PTPRD: variants seen among roughly 807,000 people sequenced by gnomAD.
PTPRD encodes the protein receptor-type tyrosine-protein phosphatase delta.
A neutral mutation model predicts 214.5 loss-of-function variants in PTPRD; 34 were observed. The ratio of observed to expected loss-of-function variants is 0.16; its 90% CI spans 0.12 to 0.21. The LOEUF is 0.21. Ranked by LOEUF, PTPRD falls within the 10% of genes least tolerant of loss-of-function variation. The pLI is 1.00. For synonymous variants in PTPRD, 1,128 were observed against 845.7 expected (o/e 1.33, Z -5.79); for missense variants, 2,545 against 2,398.7 (o/e 1.06, Z -1.27).
At chr9:8,607,253 A>G (rs1471547365) in intron 14 of PTPRD, among the ~76,000 whole-genome samples, 1 of 152,222 alleles carries the variant, frequency 6.6e-6, no homozygotes, top group Non-Finnish European at 1.5e-5. Context: ...TCCACAGTGT[A>G]TATATACTTA....
intron 42 of PTPRD, 80 bp downstream of exon 42, chr9:8,340,263 C>T: frequency 2.1e-6 from 3 of 1,449,108 alleles, no homozygotes; most frequent in South Asian, 1.6e-5. Flanking sequence ...TGATCTAGCA[C>T]AAGAGTTATT....
intron 37 of PTPRD, among the ~76,000 whole-genome samples, chr9:8,379,992 C>T (rs868414736): frequency 9.2e-5 from 14 of 152,070 alleles, no homozygotes; most frequent in African/African-American, 3.1e-4. Flanking sequence ...AGTGATGCCC[C>T]TAAAACACTT....
At chr9:8,328,349 C>G (rs1187176167) in intron 44 of PTPRD, among the ~76,000 whole-genome samples, 1 of 152,100 alleles carries the variant, frequency 6.6e-6, no homozygotes, top group Non-Finnish European at 1.5e-5. Context: ...ATTGGCCCCA[C>G]TGTCTTCTGG....
intron 4 of PTPRD, among the ~76,000 whole-genome samples, chr9:9,976,849 A>G (rs1206763213): frequency 6.6e-6 from 1 of 151,974 alleles, no homozygotes; most frequent in Non-Finnish European, 1.5e-5. Flanking sequence ...GATAAATAAT[A>G]ACAAGTTAAA....
At chr9:8,455,423 G>C (rs1286837203) in intron 33 of PTPRD, among the ~76,000 whole-genome samples, 4 of 152,102 alleles carry the variant, frequency 2.6e-5, no homozygotes, top group Admixed American at 2.6e-4. Context: ...TATTATTTCT[G>C]CAGAGTATAA....
intron 9 of PTPRD, among the ~76,000 whole-genome samples, chr9:9,187,486 A>G (rs1274846841): frequency 6.6e-6 from 1 of 152,098 alleles, no homozygotes; most frequent in Admixed American, 6.6e-5. Context: ...TGTACAATAC[A>G]AAGCCAAGAC....
At chr9:8,726,037 AC>A (rs2154426849) in intron 12 of PTPRD, among the ~76,000 whole-genome samples, 1 of 147,328 alleles carries the variant, frequency 6.8e-6, no homozygotes, top group Non-Finnish European at 1.5e-5. Context: ...ACACACACAC[AC>A]ACACACACAC....
chr9:9,138,683 A>G (rs2099854952), intron 10 of PTPRD, among the ~76,000 whole-genome samples: 1 of 152,192 alleles, frequency 6.6e-6, no homozygotes, highest in South Asian at 2.1e-4. Flanking sequence ...TACAAATTGA[A>G]CGTTATGAGC....
intron 11 of PTPRD, among the ~76,000 whole-genome samples, chr9:9,012,142 T>C (rs1005106617): frequency 1.5e-4 from 23 of 152,008 alleles, no homozygotes; most frequent in Non-Finnish European, 3.4e-4. Flanking sequence ...GAGTAGCCTC[T>C]AGCCAACAGC....
chr9:8,579,752 T>C (rs1439227258), intron 14 of PTPRD, among the ~76,000 whole-genome samples: 2 of 152,176 alleles, frequency 1.3e-5, no homozygotes, highest in African/African-American at 4.8e-5. Context: ...TCAGGTGTTG[T>C]AAACAGAGAC....
chr9:10,406,992 G>C (rs535991368), intron 2 of PTPRD, among the ~76,000 whole-genome samples: 55 of 151,542 alleles, frequency 3.6e-4, no homozygotes, highest in Admixed American at 3.2e-3. Flanking sequence ...AATTATTTTT[G>C]TATTAATGTC....
At chr9:9,599,266 G>A (rs1468458747) in intron 7 of PTPRD, among the ~76,000 whole-genome samples, 4 of 152,118 alleles carry the variant, frequency 2.6e-5, no homozygotes, top group East Asian at 3.9e-4. Flanking sequence ...TAACTCTTCC[G>A]ATGCTCGTTA....
At chr9:8,711,573 G>T (rs1415622773) in intron 12 of PTPRD, among the ~76,000 whole-genome samples, 1 of 151,880 alleles carries the variant, frequency 6.6e-6, no homozygotes, top group Non-Finnish European at 1.5e-5. Context: ...AAAATACAAA[G>T]ATCACGTCTC....
intron 6 of PTPRD, among the ~76,000 whole-genome samples, chr9:9,761,104 C>T: frequency 6.6e-6 from 1 of 152,146 alleles, no homozygotes; most frequent in East Asian, 1.9e-4. Context: ...TATACAAATG[C>T]TTATACATTA....
chr9:10,321,290 G>C (rs2096548029), intron 3 of PTPRD, among the ~76,000 whole-genome samples: 1 of 152,054 alleles, frequency 6.6e-6, no homozygotes, highest in African/African-American at 2.4e-5. Context: ...TGCAGTCAGA[G>C]AAAACATCTC....
chr9:9,927,200 G>T (rs970674841), intron 5 of PTPRD, among the ~76,000 whole-genome samples: 2 of 151,916 alleles, frequency 1.3e-5, no homozygotes, highest in African/African-American at 2.4e-5. Flanking sequence ...TTTCACTGGG[G>T]GTACAACACA....
intron 2 of PTPRD, among the ~76,000 whole-genome samples, chr9:10,456,224 A>C (rs183605901): frequency 2.6e-5 from 4 of 152,056 alleles, no homozygotes; most frequent in African/African-American, 7.2e-5. Flanking sequence ...AAAATACAAC[A>C]AATTAAATGG....
chr9:8,925,858 ATTTT>A (rs33971552), intron 11 of PTPRD, among the ~76,000 whole-genome samples: 4 of 120,172 alleles, frequency 3.3e-5, no homozygotes, highest in African/African-American at 9.1e-5. Context: ...CTATTGCAAT[ATTTT>A]TTTTTTTTTT....
At chr9:10,225,815 A>G (rs1487768837) in intron 3 of PTPRD, among the ~76,000 whole-genome samples, 1 of 152,072 alleles carries the variant, frequency 6.6e-6, no homozygotes, top group Non-Finnish European at 1.5e-5. Flanking sequence ...TCTCAATGAG[A>G]ATGTGTTAAG....
Sources: gnomAD v4.1 joint callset for allele counts (sites outside exome capture counted in the v4.1 genomes callset) on GRCh38, gnomAD v4.1.1 for gene constraint, MANE v1.5 for transcripts, NCBI Gene and HGNC (gene_info 2026-07-23, HGNC 2026-07-21) for gene names.